Variants in RAD18 observed in about 807,000 individuals in gnomAD.
RAD18 encodes E3 ubiquitin-protein ligase RAD18.
A neutral mutation model predicts 60.4 loss-of-function variants in RAD18; 47 were observed. That is an observed-to-expected ratio of 0.78 (90% CI 0.62 to 0.99). The LOEUF is 0.99. Ranked by LOEUF, RAD18 falls within the 50% of genes least tolerant of loss-of-function variation. The pLI is 0.00. For synonymous variants in RAD18, 225 were observed against 195.5 expected (o/e 1.15, Z -1.26); for missense variants, 640 against 593.3 (o/e 1.08, Z -0.82).
rs1559771718 is a variant in RAD18, at chr3:8,913,756, C to T, written c.890-36G>A. On this transcript the variant is annotated intron_variant, in intron 7 of 12. Transcript: ENST00000264926. ...AAGAAAATAACCACTAGGTTAATCA[C>T]ATGTCTTTTTTAATCACTGTACAAT... 7 of 1,356,614 alleles carry T rather than the reference C, an allele frequency of 5.2e-6. No homozygotes were observed. In the Admixed American group the frequency reaches 1.6e-4, roughly 31 times the overall value. The allele number at this position is 1,356,614 out of a possible 1,614,324, so 84.0% of individuals were successfully genotyped here.
At chr3:8,920,765 T>A (rs2125058565) in intron 7 of RAD18, among the ~76,000 whole-genome samples, 1 of 152,330 alleles carries the variant, frequency 6.6e-6, no homozygotes, top group South Asian at 2.1e-4. Flanking sequence ...TGTATTCTTT[T>A]AAAAGGCCAG....
chr3:8,903,415 G>A (rs531355857), intron 9 of RAD18, among the ~76,000 whole-genome samples: 42 of 152,188 alleles, frequency 2.8e-4, no homozygotes, highest in African/African-American at 9.4e-4. Context: ...AGGAATGTCC[G>A]TCTACTCCAG....
chr3:8,942,784 C>A (rs1379635395), intron 4 of RAD18, among the ~76,000 whole-genome samples: 1 of 152,230 alleles, frequency 6.6e-6, no homozygotes, highest in Non-Finnish European at 1.5e-5. Flanking sequence ...CCCCACCAGT[C>A]TGCTTAGAAA....
chr3:8,943,933 T>G (rs577916661), intron 4 of RAD18, among the ~76,000 whole-genome samples: 2 of 152,034 alleles, frequency 1.3e-5, no homozygotes, highest in South Asian at 2.1e-4. Context: ...AACAGCAAAC[T>G]AAACCCAAAG....
intron 5 of RAD18, 101 bp downstream of exon 5, chr3:8,941,366 T>C (rs1405301674): frequency 1.9e-6 from 2 of 1,058,346 alleles, no homozygotes; most frequent in Non-Finnish European, 2.7e-6. Context: ...ATCTGGTTTG[T>C]CCTTTACCAT....
chr3:8,888,091 C>G (rs151091980), intron 12 of RAD18, among the ~76,000 whole-genome samples: 12 of 152,330 alleles, frequency 7.9e-5, no homozygotes, highest in Admixed American at 4.6e-4. Context: ...CCTGCCTTGC[C>G]TTTCCTGAGA....
At chr3:8,948,636 T>C (rs1450904172) in intron 2 of RAD18, 66 bp from the exon 3 acceptor site, 1 of 1,358,700 alleles carries the variant, frequency 7.4e-7, no homozygotes, top group Admixed American at 1.9e-5. Flanking sequence ...ATATGACTTC[T>C]AACAAAATCT....
At chr3:8,935,740 G>T in intron 7 of RAD18, 131 bp downstream of exon 7, 1 of 843,190 alleles carries the variant, frequency 1.2e-6, no homozygotes, top group Non-Finnish European at 1.7e-6. Flanking sequence ...CCTTTTGAAG[G>T]AACACATTTG....
At position 8,963,364 on chromosome 3, in the gene RAD18, G is replaced by A; in HGVS notation, c.22C>T (p.Arg8Trp). Residue 8 changes from arginine (R) to tryptophan (W), a missense_variant, in exon 1 of 13, where the codon CGG becomes TGG. Coordinates refer to ENST00000264926, the MANE Select transcript of RAD18 (RefSeq NM_020165.4). ...ATGACTGCCAGGCCCGGAGGCCACC[G>A]AGACTCGGCCAGGGAGTCCATGGTC... The part of the protein sequence containing the change: MDSLAES[R>W]WPPGLAVMKT... 6.2e-7 allele frequency: 1 copy of A among 1,611,624 alleles called. No individual in the cohort carries two copies. Among genetic ancestry groups the A allele is most frequent in the South Asian group, 1.1e-5 (1 of 90,626 alleles).
chr3:8,910,616 A>G lies in RAD18; in HGVS notation c.1027+1696T>C, dbSNP rs1021292407. On this transcript the variant is annotated intron_variant, in intron 9 of 12. Coordinates refer to ENST00000264926, the MANE Select transcript of RAD18 (RefSeq NM_020165.4). Reference sequence around the variant, plus strand: ...CCTCCATCTCAAAAAAAAAAAAAAGAACAACAGAATGTTTTGATGAAAGGA... The same window carrying G: ...CCTCCATCTCAAAAAAAAAAAAAAGGACAACAGAATGTTTTGATGAAAGGA... Among the ~76,000 whole-genome samples the G allele has an allele frequency of 6.6e-5, 10 of 151,962 alleles. No homozygotes were observed. In the East Asian group the frequency reaches 1.9e-3, roughly 29 times the overall value.
rs182653320 is a variant in RAD18 at position 8,901,847 on chromosome 3, A to G, written c.1168+533T>C. On this transcript the variant is annotated intron_variant, in intron 10 of 12. Transcript: ENST00000264926. ...CACAATATAGAAAAACATAATAAGC[A>G]ATTTTCTTGCGCACTTTCCCCCATT... 8.5e-4 allele frequency among the ~76,000 whole-genome samples: 129 copies of G among 152,358 alleles called. 1 individual carries two copies. Among genetic ancestry groups the G allele is most frequent in the African/African-American group, 3.0e-3 (123 of 41,590 alleles).
intron 7 of RAD18, among the ~76,000 whole-genome samples, chr3:8,932,582 CTG>C (rs35599442): frequency 0.022 from 3,421 of 152,230 alleles, 57 homozygotes; most frequent in Non-Finnish European, 0.032. Flanking sequence ...ATTTGAAAAA[CTG>C]TATGGCAGGT....
intron 5 of RAD18, among the ~76,000 whole-genome samples, chr3:8,940,321 A>G (rs1940726304): frequency 6.6e-6 from 1 of 152,174 alleles, no homozygotes; most frequent in African/African-American, 2.4e-5. Context: ...GTTATGGTTT[A>G]TCGTAAAATT....
At chr3:8,928,588 A>T (rs1182680380) in intron 7 of RAD18, among the ~76,000 whole-genome samples, 1 of 152,180 alleles carries the variant, frequency 6.6e-6, no homozygotes, top group Non-Finnish European at 1.5e-5. Context: ...AATCAAGAAG[A>T]TACATAATAA....
chr3:8,933,752 A>G (rs1364319868), intron 7 of RAD18, among the ~76,000 whole-genome samples: 3 of 152,250 alleles, frequency 2.0e-5, no homozygotes, highest in Non-Finnish European at 4.4e-5. Flanking sequence ...CTATACAGAT[A>G]TCAACTATCT....
chr3:8,888,711 G>A (rs775613200), intron 12 of RAD18, among the ~76,000 whole-genome samples: 3 of 152,188 alleles, frequency 2.0e-5, no homozygotes, highest in Non-Finnish European at 4.4e-5. Flanking sequence ...ACTAGTCCTC[G>A]GACCTTGACC....
intron 9 of RAD18, among the ~76,000 whole-genome samples, chr3:8,903,382 G>C (rs1474098754): frequency 6.7e-6 from 1 of 148,340 alleles, no homozygotes; most frequent in Non-Finnish European, 1.5e-5. Flanking sequence ...GAAGCTTCTA[G>C]GAAAGTTGAA....
In RAD18 at chr3:8,924,240, A is replaced by C. The variant is rs559334490; in HGVS notation, c.890-10520T>G. On this transcript the variant is annotated intron_variant, in intron 7 of 12. Transcript: ENST00000264926. ...AGATCTACCAAGCAAATGGAAAACAAAAAAAGGCAGGGGTTGCAATCCTAG... is the reference window on the plus strand; with the variant it reads ...AGATCTACCAAGCAAATGGAAAACACAAAAAGGCAGGGGTTGCAATCCTAG... Among the ~76,000 whole-genome samples, 173 of 151,210 alleles carry C rather than the reference A, an allele frequency of 1.1e-3. 2 individuals are homozygous for C. The highest frequency in any genetic ancestry group is 3.9e-3 in the African/African-American group (159 of 41,090).
chr3:8,936,493 C>T (rs2125065000), intron 6 of RAD18, among the ~76,000 whole-genome samples: 1 of 152,320 alleles, frequency 6.6e-6, no homozygotes, highest in South Asian at 2.1e-4. Flanking sequence ...TTAAGCAATT[C>T]CATAAACAGG....
Sources: gnomAD v4.1 joint callset for allele counts (sites outside exome capture counted in the v4.1 genomes callset) on GRCh38, gnomAD v4.1.1 for gene constraint, MANE v1.5 for transcripts, NCBI Gene and HGNC (gene_info 2026-07-23, HGNC 2026-07-21) for gene names.